Variants in PCGF5 observed in about 807,000 individuals in gnomAD.
PCGF5 encodes the protein polycomb group RING finger protein 5.
In PCGF5, 9 loss-of-function variants were observed where a neutral mutation model predicts 44.3. The observed-to-expected ratio is 0.20, with a 90% CI of 0.12 to 0.35. The LOEUF (loss-of-function observed/expected upper bound fraction) is 0.35. Among genes scored for constraint, PCGF5 ranks in the 10% least tolerant of loss-of-function variants. The pLI is 1.00. For missense variants in PCGF5, 146 were observed against 305.3 expected (o/e 0.48, Z 3.89); for synonymous variants, 95 against 102.5 (o/e 0.93, Z 0.44).
chr10:91,174,802 A>G (rs1209600537), intron 1 of PCGF5, among the ~76,000 whole-genome samples: 1 of 152,236 alleles, frequency 6.6e-6, no homozygotes, highest in African/African-American at 2.4e-5. Flanking sequence ...GATTTAGTTC[A>G]TGGGACTTCA....
Position 91,280,061 on chromosome 10 carries a change from A to G in PCGF5, c.*1745A>G, listed in dbSNP as rs967703777. 2.0e-5 allele frequency: 3 copies of G among 151,874 alleles called. No homozygotes were observed. Among genetic ancestry groups the G allele is most frequent in the African/African-American group, 7.2e-5 (3 of 41,384 alleles). 9.4% of individuals were successfully genotyped at this position (151,874 alleles called of 1,614,324 possible). ...CAATACTTTAACTTTGTTTTGTTACATTGTTTTTGTTCTTGGAATGGCTCA... is the reference window on the plus strand; with the variant it reads ...CAATACTTTAACTTTGTTTTGTTACGTTGTTTTTGTTCTTGGAATGGCTCA... On this transcript the variant is annotated 3_prime_UTR_variant, in exon 10 of 10. Coordinates refer to ENST00000336126, the MANE Select transcript of PCGF5 (RefSeq NM_032373.5).
chr10:91,189,411 T>C (rs1484203840), intron 1 of PCGF5, among the ~76,000 whole-genome samples: 2 of 152,220 alleles, frequency 1.3e-5, no homozygotes, highest in Non-Finnish European at 1.5e-5. Flanking sequence ...TGGTACATAG[T>C]AGACACACAT....
At chr10:91,213,293 G>A (rs186621109) in intron 1 of PCGF5, among the ~76,000 whole-genome samples, 2 of 152,258 alleles carry the variant, frequency 1.3e-5, no homozygotes, top group Admixed American at 6.5e-5. Flanking sequence ...TTCTTAGTCT[G>A]TGCAGTCCTT....
upstream of PCGF5, among the ~76,000 whole-genome samples, chr10:91,217,291 C>T (rs922431803): frequency 1.3e-5 from 2 of 152,190 alleles, no homozygotes; most frequent in African/African-American, 4.8e-5. Flanking sequence ...CTCGGCCTCC[C>T]GAAGTGCTGG....
chr10:91,227,577 T>C (rs1476008287), intron 2 of PCGF5: 2 of 1,179,880 alleles, frequency 1.7e-6, no homozygotes. Flanking sequence ...CAGATTCTTA[T>C]TACATCTCAC....
At chr10:91,187,941 A>G (rs1232570875) in intron 1 of PCGF5, among the ~76,000 whole-genome samples, 4 of 151,744 alleles carry the variant, frequency 2.6e-5, no homozygotes, top group Non-Finnish European at 5.9e-5. Flanking sequence ...TGGCAGATGG[A>G]TGATTCTTTT....
intron 1 of PCGF5, among the ~76,000 whole-genome samples, chr10:91,163,844 TG>T (rs537735582): frequency 1.1e-5 from 1 of 95,120 alleles, no homozygotes; most frequent in East Asian, 3.1e-4. Flanking sequence ...GGTGGTGGGG[TG>T]GGGGGGCACG....
At chr10:91,235,413 G>A (rs1348305298) in intron 2 of PCGF5, among the ~76,000 whole-genome samples, 1 of 152,180 alleles carries the variant, frequency 6.6e-6, no homozygotes, top group Non-Finnish European at 1.5e-5. Context: ...TGATGTTTGT[G>A]ATGAGGTAAG....
intron 1 of PCGF5, among the ~76,000 whole-genome samples, chr10:91,198,382 A>G (rs979030698): frequency 6.6e-6 from 1 of 152,206 alleles, no homozygotes; most frequent in African/African-American, 2.4e-5. Flanking sequence ...TTTGATAACT[A>G]TAAGACCAAC....
intron 1 of PCGF5, among the ~76,000 whole-genome samples, chr10:91,173,325 C>T (rs981922345): frequency 6.6e-6 from 1 of 152,110 alleles, no homozygotes; most frequent in African/African-American, 2.4e-5. Flanking sequence ...TAATTCTGGC[C>T]AAGTGAGATT....
chr10:91,199,601 C>A (rs543109317), intron 1 of PCGF5, among the ~76,000 whole-genome samples: 2 of 152,160 alleles, frequency 1.3e-5, no homozygotes, highest in African/African-American at 4.8e-5. Flanking sequence ...CATTAATGTA[C>A]GTGAAATTCA....
Position 91,279,230 on chromosome 10 carries a change from T to C in PCGF5, c.*914T>C, listed in dbSNP as rs546006904. 5.9e-5 allele frequency: 9 copies of C among 152,300 alleles called. No homozygotes were observed. The South Asian group carries it at 1.9e-3, about 32-fold the overall frequency. The allele number at this position is 152,300 out of a possible 1,614,324, so 9.4% of individuals were successfully genotyped here. ...TTAAGTTGGCCTTAGGTATATGTCA[T>C]TGTGGCATGCAGAGGGTTATGACGA... On this transcript the variant is annotated 3_prime_UTR_variant, in exon 10 of 10. Transcript: ENST00000336126.
chr10:91,227,891 T>A, intron 2 of PCGF5: 1 of 983,674 alleles, frequency 1.0e-6, no homozygotes, highest in Non-Finnish European at 1.2e-6. Context: ...AGATGTGCCC[T>A]ACCACCTGCA....
In PCGF5 at chr10:91,281,393, AGT is replaced by A. The variant is rs1564662903; in HGVS notation, c.*3082_*3083del. On this transcript the variant is annotated 3_prime_UTR_variant, in exon 10 of 10. Coordinates refer to ENST00000336126, the MANE Select transcript of PCGF5 (RefSeq NM_032373.5). The stretch of plus-strand genomic sequence containing the variant: ...TTAAACTGATTATTTAAGGAAAAAA[AGT>A]GTGTTATATAATATTGTGAACTGTT... 4 of 152,684 alleles carry A rather than the reference AGT, an allele frequency of 2.6e-5. No individual in the cohort carries two copies. The highest frequency in any genetic ancestry group is 9.6e-5 in the African/African-American group (4 of 41,574). The allele number at this position is 152,684 out of a possible 1,614,324, so 9.5% of individuals were successfully genotyped here.
chr10:91,230,801 T>G (rs1196128926), intron 2 of PCGF5, among the ~76,000 whole-genome samples: 2 of 152,132 alleles, frequency 1.3e-5, no homozygotes, highest in Non-Finnish European at 2.9e-5. Context: ...TTTTGTATTT[T>G]GTGTAGAGAC....
chr10:91,238,601 C>CTTTTTTTTTTTTTTT lies in PCGF5; in HGVS notation c.113-1867_113-1853dup, dbSNP rs71487496. Among the ~76,000 whole-genome samples the CTTTTTTTTTTTTTTT allele has an allele frequency of 2.2e-3, 130 of 58,506 alleles. 2 individuals are homozygous for CTTTTTTTTTTTTTTT. The highest frequency in any genetic ancestry group is 2.5e-3 in the African/African-American group (36 of 14,266). The allele number at this position is 58,506 out of a possible 152,430, so 38.4% of individuals were successfully genotyped here. ...CTCTCATTTCTTTCTTTCTTTCTTT[C>CTTTTTTTTTTTTTTT]TTTTTTTTTTTTTTTTTTTTTTTTT... is the stretch of plus-strand genomic sequence containing the variant. On this transcript the variant is annotated intron_variant, in intron 2 of 9. Transcript: ENST00000336126.
chr10:91,165,416 A>C (rs1233017987), intron 1 of PCGF5, among the ~76,000 whole-genome samples: 1 of 152,208 alleles, frequency 6.6e-6, no homozygotes, highest in African/African-American at 2.4e-5. Context: ...ATATTTCCAT[A>C]TCTTCCCTCC....
At chr10:91,254,538 G>C (rs1165521532) in intron 6 of PCGF5, among the ~76,000 whole-genome samples, 1 of 151,900 alleles carries the variant, frequency 6.6e-6, no homozygotes, top group Middle Eastern at 3.2e-3. Context: ...TTTTATATGT[G>C]TGTTGTCCTT....
chr10:91,244,665 G>A (rs899495713), intron 3 of PCGF5, among the ~76,000 whole-genome samples: 7 of 152,160 alleles, frequency 4.6e-5, no homozygotes, highest in Non-Finnish European at 1.0e-4. Context: ...CCTGGTGAGC[G>A]GTGGTAGCAG....
Sources: gnomAD v4.1 joint callset for allele counts (sites outside exome capture counted in the v4.1 genomes callset) on GRCh38, gnomAD v4.1.1 for gene constraint, MANE v1.5 for transcripts, NCBI Gene and HGNC (gene_info 2026-07-23, HGNC 2026-07-21) for gene names.